Variants in RNF145 observed in about 807,000 individuals in gnomAD.
The protein encoded by RNF145 is ring finger protein 145.
A neutral mutation model predicts 57.3 loss-of-function variants in RNF145; 12 were observed. The ratio of observed to expected loss-of-function variants is 0.21; its 90% CI spans 0.13 to 0.34. RNF145 has a LOEUF of 0.34. RNF145 is among the 10% of genes least tolerant of loss of function. The probability of loss-of-function intolerance (pLI) is 1.00; values close to 1 mark genes in which losing one functional copy is unlikely to be tolerated. For missense variants in RNF145, 429 were observed against 799.0 expected (o/e 0.54, Z 5.58); for synonymous variants, 262 against 288.3 (o/e 0.91, Z 0.92).
intron 5 of RNF145, 142 bp from the exon 6 acceptor site, chr5:159,174,300 C>A: frequency 3.3e-6 from 2 of 612,124 alleles, no homozygotes; most frequent in South Asian, 2.6e-5. Context: ...TTAAAGTTAG[C>A]CTATATAGTT....
chr5:159,175,237 T>C (rs1378182659), intron 5 of RNF145, among the ~76,000 whole-genome samples: 1 of 152,144 alleles, frequency 6.6e-6, no homozygotes, highest in Non-Finnish European at 1.5e-5. Context: ...AAAATTATTA[T>C]CAGGTAAACT....
intron 1 of RNF145, among the ~76,000 whole-genome samples, chr5:159,205,268 AT>A (rs1324783407): frequency 2.0e-5 from 3 of 152,188 alleles, no homozygotes; most frequent in African/African-American, 4.8e-5. Context: ...CATTTTCATA[AT>A]TTTCCTACAT....
intron 4 of RNF145, among the ~76,000 whole-genome samples, chr5:159,179,233 C>G (rs1025342677): frequency 6.6e-6 from 1 of 151,984 alleles, no homozygotes; most frequent in African/African-American, 2.4e-5. Flanking sequence ...GAAGACTACT[C>G]CTGCTGACGT....
intron 3 of RNF145, among the ~76,000 whole-genome samples, chr5:159,191,259 G>A (rs181071433): frequency 3.0e-4 from 46 of 152,212 alleles, no homozygotes; most frequent in Non-Finnish European, 5.3e-4. Flanking sequence ...GAAACAATTT[G>A]TATCAAGTCT....
chr5:159,161,330 G>A lies in RNF145; in HGVS notation c.1562C>T (p.Ser521Leu). The change falls in exon 10 of 11, where the codon TCG becomes TTG. Residue 521 changes from serine (S) to leucine (L), a missense_variant. Ser to Leu is a moderately radical substitution (Grantham distance 145). Coordinates refer to ENST00000424310, the MANE Select transcript of RNF145 (RefSeq NM_001199383.2). ...LRRDAVNKIK[S>L]LPIATKEQLE... ...CTGCTCTTTCGTAGCAATGGGTAACGATTTAATCTTATTCACAGCATCCCT... is the reference window on the plus strand; with the variant it reads ...CTGCTCTTTCGTAGCAATGGGTAACAATTTAATCTTATTCACAGCATCCCT... The A allele has an allele frequency of 6.2e-7, 1 of 1,614,076 alleles. No individual in the cohort carries two copies. The highest frequency in any genetic ancestry group is 1.1e-5 in the South Asian group (1 of 91,068).
Position 159,161,542 on chromosome 5 carries a change from G to A in RNF145, c.1350C>T (p.Val450=). 3 of 1,613,598 alleles carry A rather than the reference G, an allele frequency of 1.9e-6. No individual in the cohort carries two copies. Among genetic ancestry groups the A allele is most frequent in the Non-Finnish European group, 2.5e-6 (3 of 1,179,842 alleles). ...GGTAAGTGCCATTCACATAGTAGATGACATCATCCATGTTTTCCACTGGCT... is the reference window on the plus strand; with the variant it reads ...GGTAAGTGCCATTCACATAGTAGATAACATCATCCATGTTTTCCACTGGCT... The part of the protein sequence containing the change: ...RKEPVENMDD[V]IYYVNGTYRL... Residue 450 remains valine, a synonymous_variant, in exon 10 of 11, where the codon GTC becomes GTT. Transcript: ENST00000424310.
Position 159,158,581 on chromosome 5 carries a change from C to T in RNF145, c.*89G>A. The T allele has an allele frequency of 6.9e-7, 1 of 1,456,996 alleles. No homozygotes were observed. The highest frequency in any genetic ancestry group is 9.3e-7 in the Non-Finnish European group (1 of 1,078,802). The allele number at this position is 1,456,996 out of a possible 1,614,324, so 90.3% of individuals were successfully genotyped here. A position where few individuals can be genotyped will look rare whatever the true frequency, so the allele number is the denominator to read the frequency against. On this transcript the variant is annotated 3_prime_UTR_variant, in exon 11 of 11. Coordinates refer to ENST00000424310, the MANE Select transcript of RNF145 (RefSeq NM_001199383.2). ...ATGTCAGTTTCCTGCCTGATCATCT[C>T]ATTTTCATTCCTCAAATCAGAACAT...
At chr5:159,191,931 TC>T (rs1398301812) in intron 3 of RNF145, among the ~76,000 whole-genome samples, 4 of 152,090 alleles carry the variant, frequency 2.6e-5, no homozygotes, top group Admixed American at 6.6e-5. Flanking sequence ...GTCCCCTTTT[TC>T]CTTATATACC....
chr5:159,176,949 G>C, intron 4 of RNF145, 82 bp from the exon 5 acceptor site: 2 of 733,306 alleles, frequency 2.7e-6, no homozygotes, highest in South Asian at 3.9e-5. Flanking sequence ...CTGTTGATAA[G>C]GATAATAACA....
intron 1 of RNF145, 25 bp from the exon 2 acceptor site, chr5:159,203,681 T>A: frequency 6.7e-7 from 1 of 1,486,940 alleles, no homozygotes; most frequent in Middle Eastern, 1.9e-4. Flanking sequence ...ACACAATATA[T>A]AAAAATAAAA....
intron 4 of RNF145, 132 bp downstream of exon 4, chr5:159,181,828 T>C: frequency 1.7e-6 from 1 of 577,386 alleles, no homozygotes; most frequent in Non-Finnish European, 3.2e-6. Flanking sequence ...AAACAATGGG[T>C]ATATGTGGGA....
In RNF145 at chr5:159,209,325, G is replaced by A. The variant is rs1397090526; in HGVS notation, c.-134C>T. The stretch of plus-strand genomic sequence containing the variant: ...CTCGCCCGCCCTCCCGTTCTCCTCG[G>A]GCGGCGGCGGGGGCCGGTACGGCAC... On this transcript the variant is annotated 5_prime_UTR_variant, in exon 1 of 11. Transcript: ENST00000424310. 3.0e-6 allele frequency: 3 copies of A among 985,658 alleles called. No homozygotes were observed. Among genetic ancestry groups the A allele is most frequent in the African/African-American group, 1.7e-5 (1 of 57,222 alleles). The allele number at this position is 985,658 out of a possible 1,614,324, so 61.1% of individuals were successfully genotyped here. A position where few individuals can be genotyped will look rare whatever the true frequency, so the allele number is the denominator to read the frequency against.
intron 2 of RNF145, among the ~76,000 whole-genome samples, chr5:159,196,225 A>G (rs1785454725): frequency 7.9e-6 from 1 of 127,232 alleles, no homozygotes; most frequent in Non-Finnish European, 1.6e-5. Flanking sequence ...TTAAAATATT[A>G]TGAGTTTTTT....
At chr5:159,183,729 G>C (rs1343022181) in intron 3 of RNF145, among the ~76,000 whole-genome samples, 1 of 152,058 alleles carries the variant, frequency 6.6e-6, no homozygotes, top group East Asian at 1.9e-4. Context: ...ATTTCTTTTT[G>C]GTCATAGCAT....
chr5:159,208,409 T>G (rs1157444479), intron 1 of RNF145, among the ~76,000 whole-genome samples: 1 of 151,842 alleles, frequency 6.6e-6, no homozygotes, highest in Admixed American at 6.6e-5. Context: ...GGGAACTCAT[T>G]CCAGAAAGGG....
intron 3 of RNF145, among the ~76,000 whole-genome samples, chr5:159,188,419 G>T (rs1785165442): frequency 6.6e-6 from 1 of 151,814 alleles, no homozygotes; most frequent in South Asian, 2.1e-4. Context: ...AAATACTGGA[G>T]TTTAGAAATT....
intron 4 of RNF145, among the ~76,000 whole-genome samples, chr5:159,179,175 C>G (rs1290642412): frequency 6.6e-6 from 1 of 151,944 alleles, no homozygotes; most frequent in Non-Finnish European, 1.5e-5. Flanking sequence ...TACAGGCTCC[C>G]TTTATCTTCT....
At chr5:159,190,175 G>GA (rs1562067679) in intron 3 of RNF145, among the ~76,000 whole-genome samples, 1 of 152,082 alleles carries the variant, frequency 6.6e-6, no homozygotes, top group Non-Finnish European at 1.5e-5. Flanking sequence ...CGAAGTAGCT[G>GA]GGACTAAAAG....
chr5:159,208,725 A>T, intron 1 of RNF145, among the ~76,000 whole-genome samples: 1 of 151,714 alleles, frequency 6.6e-6, no homozygotes, highest in East Asian at 1.9e-4. Flanking sequence ...AGCAAAGTGA[A>T]CAAAGAGGCA....
Sources: allele counts gnomAD v4.1 joint callset (sites outside exome capture counted in the v4.1 genomes callset), GRCh38; gene constraint gnomAD v4.1.1; transcripts MANE v1.5; gene names NCBI Gene and HGNC (gene_info 2026-07-23, HGNC 2026-07-21).